MGAM2: variants seen among roughly 807,000 people sequenced by gnomAD.
The protein encoded by MGAM2 is maltase-glucoamylase 2 (putative), also known as probable maltase-glucoamylase 2.
A neutral mutation model predicts 96.1 loss-of-function variants in MGAM2; 98 were observed. That is an observed-to-expected ratio of 1.02 (90% CI 0.87 to 1.21). The LOEUF (loss-of-function observed/expected upper bound fraction) is 1.21. Ranked by LOEUF, MGAM2 falls within the 50% of genes most tolerant of loss-of-function variation. The probability of loss-of-function intolerance (pLI) is 0.00; values close to 1 mark genes in which losing one functional copy is unlikely to be tolerated. For synonymous variants in MGAM2, 749 were observed against 414.8 expected (o/e 1.81, Z -9.79); for missense variants, 2,055 against 1,182.4 (o/e 1.74, Z -10.82).
intron 32 of MGAM2, among the ~76,000 whole-genome samples, chr7:142,181,565 CT>C (rs1796543837): frequency 6.6e-6 from 1 of 152,196 alleles, no homozygotes; most frequent in South Asian, 2.1e-4. Flanking sequence ...AGGGAGCCTC[CT>C]CTAATCACTG....
intron 40 of MGAM2, 54 bp from the exon 41 acceptor site, chr7:142,197,346 A>T: frequency 1.5e-6 from 1 of 689,494 alleles, no homozygotes. Context: ...TTCTGATGCC[A>T]CTGGGATGGA....
At chr7:142,133,098 A>T (rs1025899449) in intron 6 of MGAM2, among the ~76,000 whole-genome samples, 6 of 136,106 alleles carry the variant, frequency 4.4e-5, no homozygotes, top group Non-Finnish European at 9.2e-5. Flanking sequence ...TATTTAATAG[A>T]CATTAATTTA....
intron 7 of MGAM2, 87 bp from the exon 8 acceptor site, chr7:142,136,454 T>C: frequency 2.0e-6 from 1 of 512,158 alleles, no homozygotes. Context: ...CAAGTATATG[T>C]TATAGATGGC....
At position 142,164,910 on chromosome 7, in the gene MGAM2, A is replaced by ACAGT; in HGVS notation, c.2539_2540insCAGT (p.Met847ThrfsTer17). On this transcript the variant is annotated frameshift_variant, in exon 24 of 48. Coordinates refer to ENST00000477922, the MANE Select transcript of MGAM2 (RefSeq NM_001293626.2). LOFTEE classifies it high-confidence loss of function. ...TAATTATATGGACACTGACAACCTCATGTTCACAGATATCACAATCTTGGG... is the reference window on the plus strand; with the variant it reads ...TAATTATATGGACACTGACAACCTCACAGTTGTTCACAGATATCACAATCTTGGG... 1 of 702,736 alleles carries ACAGT rather than the reference A, an allele frequency of 1.4e-6. No homozygotes were observed. Among genetic ancestry groups the ACAGT allele is most frequent in the South Asian group, 1.5e-5 (1 of 67,556 alleles). The allele number at this position is 702,736 out of a possible 1,614,324, so 43.5% of individuals were successfully genotyped here.
Position 142,173,595 on chromosome 7 carries a change from T to C in MGAM2, c.3687+241T>C, listed in dbSNP as rs1796271125. Among the ~76,000 whole-genome samples the C allele has an allele frequency of 2.0e-5, 3 of 152,344 alleles. No individual in the cohort carries two copies. In the South Asian group the frequency reaches 6.2e-4, roughly 32 times the overall value. Reference sequence around the variant, plus strand: ...AAAGTAATCAACGTTAATAATTTGCTGGTTTATTCTTTTCCAAATTTTGGC... The same window carrying C: ...AAAGTAATCAACGTTAATAATTTGCCGGTTTATTCTTTTCCAAATTTTGGC... On this transcript the variant is annotated intron_variant, in intron 31 of 47. Transcript: ENST00000477922.
chr7:142,166,220 GGA>G lies in MGAM2; in HGVS notation c.2779_2780del (p.Ser927LeufsTer2), dbSNP rs1357386585. ...ACCCTGATGATCCAACAGCCTCTGAGGAGAGTTGTAGGCAGCGGGGGTGTCTT... is the reference window on the plus strand; with the variant it reads ...ACCCTGATGATCCAACAGCCTCTGAGGAGTTGTAGGCAGCGGGGGTGTCTT... ...CYPDDPTASEESCRQRGCLWE... is the reference protein window; with the variant it reads ...CYPDDPTASEXSCRQRGCLWE... On this transcript the variant is annotated frameshift_variant, in exon 25 of 48. Coordinates refer to ENST00000477922, the MANE Select transcript of MGAM2 (RefSeq NM_001293626.2). LOFTEE classifies it high-confidence loss of function. 4.3e-6 allele frequency: 3 copies of G among 702,312 alleles called. No homozygotes were observed. The highest frequency in any genetic ancestry group is 7.8e-6 in the Non-Finnish European group (3 of 384,718). The allele number at this position is 702,312 out of a possible 1,614,324, so 43.5% of individuals were successfully genotyped here. A position where few individuals can be genotyped will look rare whatever the true frequency, so the allele number is the denominator to read the frequency against.
intron 32 of MGAM2, among the ~76,000 whole-genome samples, chr7:142,181,502 G>A (rs1322160990): frequency 6.6e-6 from 1 of 152,194 alleles, no homozygotes; most frequent in African/African-American, 2.4e-5. Context: ...ATGGGGTGGG[G>A]GAGATGGGGG....
chr7:142,217,482 G>A (rs1304574081), intron 46 of MGAM2, among the ~76,000 whole-genome samples: 1 of 152,150 alleles, frequency 6.6e-6, no homozygotes, highest in African/African-American at 2.4e-5. Flanking sequence ...GAATACTTAT[G>A]ATATAGGGAA....
intron 1 of MGAM2, among the ~76,000 whole-genome samples, chr7:142,116,572 C>T (rs926650345): frequency 9.9e-5 from 15 of 152,236 alleles, no homozygotes; most frequent in Non-Finnish European, 2.1e-4. Flanking sequence ...CATCTCTCTT[C>T]TGTGTGTTAT....
intron 14 of MGAM2, among the ~76,000 whole-genome samples, chr7:142,145,715 T>C (rs906231822): frequency 3.3e-5 from 5 of 152,098 alleles, no homozygotes; most frequent in Non-Finnish European, 4.4e-5. Flanking sequence ...GGTTCTCCCA[T>C]CTCCTCAGAG....
intron 34 of MGAM2, 33 bp downstream of exon 34, chr7:142,185,172 C>A: frequency 2.9e-6 from 2 of 698,670 alleles, no homozygotes; most frequent in Non-Finnish European, 5.2e-6. Flanking sequence ...GTCAACATTG[C>A]CCTAAACATC....
intron 15 of MGAM2, among the ~76,000 whole-genome samples, chr7:142,153,354 A>C (rs1479267653): frequency 6.6e-6 from 1 of 152,230 alleles, no homozygotes; most frequent in Non-Finnish European, 1.5e-5. Flanking sequence ...TTATAATACA[A>C]TGAAAATAAT....
At position 142,183,125 on chromosome 7, in the gene MGAM2, A is replaced by G. The variant is rs1796591256; in HGVS notation, c.3817-141A>G. The G allele has an allele frequency of 1.0e-5, 6 of 586,394 alleles. No individual in the cohort carries two copies. The Admixed American group carries it at 1.5e-4, about 15-fold the overall frequency. The allele number at this position is 586,394 out of a possible 1,614,324, so 36.3% of individuals were successfully genotyped here. A position where few individuals can be genotyped will look rare whatever the true frequency, so the allele number is the denominator to read the frequency against. ...CAGTAAGACATAAGGCAAATTATCA[A>G]TGATTTTTATTTTATTTCATTTTAT... On this transcript the variant is annotated intron_variant, in intron 32 of 47. Transcript: ENST00000477922.
intron 12 of MGAM2, among the ~76,000 whole-genome samples, chr7:142,142,212 CCTTCTGCACACCAAGT>C (rs1347413344): frequency 2.6e-5 from 4 of 151,728 alleles, no homozygotes; most frequent in African/African-American, 9.7e-5. Context: ...AAGTTTTCTT[CCTTCTGCACACCAAGT>C]CTTTGCTTTT....
intron 45 of MGAM2, among the ~76,000 whole-genome samples, chr7:142,207,401 CATTTATTTATTT>C (rs527841518): frequency 1.3e-5 from 2 of 151,710 alleles, no homozygotes; most frequent in African/African-American, 4.9e-5. Context: ...GTAAAGGCTA[CATTTATTTATTT>C]ATTTATTTAT....
chr7:142,134,087 C>T lies in MGAM2; in HGVS notation c.682C>T (p.Gln228Ter), dbSNP rs1342252350. 5 of 762,726 alleles carry T rather than the reference C, an allele frequency of 6.6e-6. No homozygotes were observed. Among genetic ancestry groups the T allele is most frequent in the African/African-American group, 1.7e-5 (1 of 59,076 alleles). 47.2% of individuals were successfully genotyped at this position (762,726 alleles called of 1,614,324 possible). ...TGGGCTGGGAGAGCATGTGCACCAG[C>T]AGTACCGCCACAATATGACCTGGAA... ...VYGLGEHVHQ[Q>*]YRHNMTWKTW... is the part of the protein sequence containing the mutation. Residue 228 changes from glutamine (Q) to a stop codon, truncating the protein, a stop_gained, in exon 7 of 48, where the codon CAG (glutamine) becomes TAG (stop). Coordinates refer to ENST00000477922, the MANE Select transcript of MGAM2 (RefSeq NM_001293626.2). LOFTEE classifies it high-confidence loss of function.
intron 35 of MGAM2, among the ~76,000 whole-genome samples, chr7:142,186,699 G>A (rs962967957): frequency 2.0e-5 from 3 of 152,166 alleles, no homozygotes; most frequent in African/African-American, 7.2e-5. Context: ...CTGTCCAGTG[G>A]CCTGAAATCT....
rs1025036422 is a variant in MGAM2, at chr7:142,185,140, G to A, written c.3987+1G>A. 8.5e-6 allele frequency: 6 copies of A among 702,690 alleles called. No homozygotes were observed. The African/African-American group carries it at 1.0e-4, about 12-fold the overall frequency. 43.5% of individuals were successfully genotyped at this position (702,690 alleles called of 1,614,324 possible). On this transcript the variant is annotated splice_donor_variant, in intron 34 of 47. Transcript: ENST00000477922. LOFTEE classifies it high-confidence loss of function. Reference sequence around the variant, plus strand: ...CCTTGACCATGAAACTCAGGTTAAGGTACAGTTGTATATAGATTTTTGTCA... The same window carrying A: ...CCTTGACCATGAAACTCAGGTTAAGATACAGTTGTATATAGATTTTTGTCA...
At chr7:142,137,643 A>G (rs531715706) in intron 9 of MGAM2, 98 bp downstream of exon 9, 1 of 476,020 alleles carries the variant, frequency 2.1e-6, no homozygotes, top group East Asian at 3.3e-5. Flanking sequence ...AGTAAACTGT[A>G]TGGATTATAA....
Sources: allele counts gnomAD v4.1 joint callset (sites outside exome capture counted in the v4.1 genomes callset), GRCh38; gene constraint gnomAD v4.1.1; transcripts MANE v1.5; gene names NCBI Gene and HGNC (gene_info 2026-07-23, HGNC 2026-07-21).